FHIT: variants seen among roughly 807,000 people sequenced by gnomAD.
The protein encoded by FHIT is bis(5'-adenosyl)-triphosphatase.
FHIT carries 19 observed loss-of-function variants against 17.9 expected under a neutral mutation model. The ratio of observed to expected loss-of-function variants is 1.06; its 90% CI spans 0.74 to 1.56. The LOEUF (loss-of-function observed/expected upper bound fraction) is 1.56, where lower values mean the gene tolerates loss of function less well. FHIT is among the 40% of genes most tolerant of loss of function. The pLI, the probability that FHIT is intolerant of heterozygous loss-of-function variation, is 0.00. For synonymous variants in FHIT, 81 were observed against 69.7 expected, an observed-to-expected ratio of 1.16 and a Z score of -0.81; for missense variants, 248 against 189.2, an observed-to-expected ratio of 1.31 and a Z score of -1.82.
At chr3:59,765,215 A>G (rs1701735383) in intron 8 of FHIT, among the ~76,000 whole-genome samples, 1 of 152,218 alleles carries the variant, frequency 6.6e-6, no homozygotes, top group African/African-American at 2.4e-5. Context: ...GGTTTAAAGG[A>G]GTTTCACTGA....
At chr3:61,062,220 ATCCCC>A (rs2034453005) in intron 2 of FHIT, among the ~76,000 whole-genome samples, 1 of 152,186 alleles carries the variant, frequency 6.6e-6, no homozygotes, top group Non-Finnish European at 1.5e-5. Context: ...ACAACAGGGT[ATCCCC>A]CTGATTTTGC....
At chr3:59,960,292 G>A (rs539902155) in intron 7 of FHIT, among the ~76,000 whole-genome samples, 3 of 152,318 alleles carry the variant, frequency 2.0e-5, no homozygotes, top group African/African-American at 4.8e-5. Context: ...TGGTAGAGAT[G>A]AGCAGAAATG....
chr3:60,704,805 T>G (rs1553703083), intron 4 of FHIT, among the ~76,000 whole-genome samples: 1 of 152,164 alleles, frequency 6.6e-6, no homozygotes, highest in Admixed American at 6.5e-5. Flanking sequence ...ATAATGTTGT[T>G]AAAACTTACC....
chr3:60,436,563 A>T (rs2030266442), intron 5 of FHIT, among the ~76,000 whole-genome samples: 1 of 110,184 alleles, frequency 9.1e-6, no homozygotes. Context: ...TCACCAATGT[A>T]AAGGAAATGT....
intron 7 of FHIT, among the ~76,000 whole-genome samples, chr3:59,962,283 G>C (rs983117028): frequency 1.3e-5 from 2 of 152,196 alleles, no homozygotes; most frequent in Non-Finnish European, 2.9e-5. Flanking sequence ...AACTAGAGAT[G>C]GGGCTCTTGG....
At chr3:60,868,720 C>A (rs1005714668) in intron 3 of FHIT, among the ~76,000 whole-genome samples, 1 of 152,114 alleles carries the variant, frequency 6.6e-6, no homozygotes, top group African/African-American at 2.4e-5. Flanking sequence ...CATTAACTCC[C>A]CTGTTAACTT....
chr3:60,207,248 T>C (rs756411284), intron 5 of FHIT, among the ~76,000 whole-genome samples: 1 of 152,068 alleles, frequency 6.6e-6, no homozygotes, highest in Non-Finnish European at 1.5e-5. Flanking sequence ...ATTTAGAAAT[T>C]AGAATATTTA....
At chr3:59,980,690 T>A (rs1173701486) in intron 7 of FHIT, among the ~76,000 whole-genome samples, 1 of 152,102 alleles carries the variant, frequency 6.6e-6, no homozygotes. Context: ...CACTGCCTCA[T>A]CCCTTCCACC....
intron 8 of FHIT, among the ~76,000 whole-genome samples, chr3:59,786,579 G>A (rs1575492048): frequency 6.6e-6 from 1 of 152,222 alleles, no homozygotes. Flanking sequence ...TTGCCAGGGT[G>A]AGCATGCATG....
At chr3:59,806,703 T>C (rs1303928807) in intron 8 of FHIT, among the ~76,000 whole-genome samples, 4 of 13,108 alleles carry the variant, frequency 3.1e-4, no homozygotes, top group Non-Finnish European at 1.1e-3. Flanking sequence ...TATGTATATA[T>C]GTGTATATAC....
At chr3:60,962,715 T>C (rs1232597232) in intron 3 of FHIT, among the ~76,000 whole-genome samples, 1 of 152,218 alleles carries the variant, frequency 6.6e-6, no homozygotes, top group African/African-American at 2.4e-5. Flanking sequence ...TGGTTCTGTT[T>C]ATATGATGGA....
chr3:59,866,389 G>A (rs1702651180), intron 8 of FHIT, among the ~76,000 whole-genome samples: 1 of 152,168 alleles, frequency 6.6e-6, no homozygotes, highest in African/African-American at 2.4e-5. Context: ...GATGAGGAAG[G>A]CAGATCATTC....
intron 4 of FHIT, among the ~76,000 whole-genome samples, chr3:60,793,969 G>A (rs1435852977): frequency 2.0e-5 from 3 of 152,102 alleles, no homozygotes; most frequent in Non-Finnish European, 2.9e-5. Flanking sequence ...GCAGTGCTCC[G>A]ACACCTTCTG....
chr3:60,255,443 C>T (rs972228092), intron 5 of FHIT, among the ~76,000 whole-genome samples: 1 of 152,052 alleles, frequency 6.6e-6, no homozygotes, highest in Non-Finnish European at 1.5e-5. Flanking sequence ...AGTAGACTTG[C>T]TCTGAGGATA....
chr3:60,412,497 T>C (rs1702099022), intron 5 of FHIT, among the ~76,000 whole-genome samples: 1 of 152,074 alleles, frequency 6.6e-6, no homozygotes, highest in Non-Finnish European at 1.5e-5. Flanking sequence ...CTCTGCAGAT[T>C]TCCTAGTCTC....
intron 7 of FHIT, among the ~76,000 whole-genome samples, chr3:59,968,929 C>T (rs1422701300): frequency 1.3e-5 from 2 of 152,174 alleles, no homozygotes; most frequent in African/African-American, 2.4e-5. Context: ...AAGAATGCAA[C>T]ATTTCCCACA....
At chr3:61,124,643 A>G (rs562212065) in intron 2 of FHIT, among the ~76,000 whole-genome samples, 1 of 152,306 alleles carries the variant, frequency 6.6e-6, no homozygotes, top group Non-Finnish European at 1.5e-5. Flanking sequence ...AACCTCATGG[A>G]CAAATACTCT....
chr3:60,071,324 C>A (rs559134693), intron 5 of FHIT, among the ~76,000 whole-genome samples: 4 of 152,158 alleles, frequency 2.6e-5, no homozygotes, highest in Admixed American at 1.3e-4. Context: ...TTAGATATAT[C>A]GAGTTTTAAC....
intron 4 of FHIT, among the ~76,000 whole-genome samples, chr3:60,562,987 G>A (rs2037004010): frequency 6.6e-6 from 1 of 152,124 alleles, no homozygotes. Flanking sequence ...GAAATCAACA[G>A]AAATAAACGC....
Sources: gnomAD v4.1 joint callset for allele counts (sites outside exome capture counted in the v4.1 genomes callset) on GRCh38, gnomAD v4.1.1 for gene constraint, MANE v1.5 for transcripts, NCBI Gene and HGNC (gene_info 2026-07-23, HGNC 2026-07-21) for gene names.